BRAF: variants seen among roughly 807,000 people sequenced by gnomAD.
BRAF encodes the protein serine/threonine-protein kinase B-raf.
Under a neutral mutation model 104.6 loss-of-function variants are expected in BRAF, and 16 were observed. The ratio of observed to expected loss-of-function variants is 0.15; its 90% confidence interval spans 0.10 to 0.23. The LOEUF (loss-of-function observed/expected upper bound fraction) is 0.23, where lower values mean the gene tolerates loss of function less well. BRAF is among the 10% of genes least tolerant of loss of function. BRAF has a pLI of 1.00. For missense variants in BRAF, 541 were observed against 937.3 expected (o/e 0.58, Z 5.52); for synonymous variants, 310 against 341.6 (o/e 0.91, Z 1.02).
Position 140,800,091 on chromosome 7 carries a change from A to G in BRAF, c.980+271T>C. ...TAATTAACCAGGAGATCCAAAAGAA[A>G]GCAGTTCAAGAAGCATGTCACTGAA... On this transcript the variant is annotated intron_variant, in intron 7 of 19. Transcript: ENST00000644969. 6.3e-6 allele frequency: 3 copies of G among 477,726 alleles called. No individual in the cohort carries two copies. The South Asian group carries it at 6.9e-5, about 11-fold the overall frequency. 29.6% of individuals were successfully genotyped at this position (477,726 alleles called of 1,614,324 possible). A position where few individuals can be genotyped will look rare whatever the true frequency, so the allele number is the denominator to read the frequency against.
Position 140,724,974 on chromosome 7 carries a change from T to A in BRAF, c.*1520A>T. 3 of 1,044,422 alleles carry A rather than the reference T, an allele frequency of 2.9e-6. No individual in the cohort carries two copies. The highest frequency in any genetic ancestry group is 3.5e-6 in the Non-Finnish European group (3 of 866,104). The allele number at this position is 1,044,422 out of a possible 1,614,324, so 64.7% of individuals were successfully genotyped here. A position where few individuals can be genotyped will look rare whatever the true frequency, so the allele number is the denominator to read the frequency against. On this transcript the variant is annotated 3_prime_UTR_variant, in exon 20 of 20. Transcript: ENST00000644969. Reference sequence around the variant, plus strand: ...TTGTGCAAAGATAAGATTTAGGTTCTTAATGAATGCCAGTTCTTTCTATAA... The same window carrying A: ...TTGTGCAAAGATAAGATTTAGGTTCATAATGAATGCCAGTTCTTTCTATAA...
chr7:140,817,731 A>T (rs1200725476), intron 3 of BRAF, among the ~76,000 whole-genome samples: 1 of 152,190 alleles, frequency 6.6e-6, no homozygotes, highest in African/African-American at 2.4e-5. Context: ...CTGTCCCAGG[A>T]ATTCCACTTT....
intron 17 of BRAF, chr7:140,740,517 C>G (rs1796833131): frequency 1.3e-5 from 2 of 152,242 alleles, no homozygotes; most frequent in East Asian, 1.9e-4. Context: ...AAAGGCTTGT[C>G]TTCCCTGGAT....
chr7:140,885,315 TA>T (rs201631392), intron 1 of BRAF, among the ~76,000 whole-genome samples: 8 of 150,616 alleles, frequency 5.3e-5, no homozygotes, highest in African/African-American at 1.5e-4. Flanking sequence ...AAAGTGGCTT[TA>T]AAAAAAAAAA....
At chr7:140,733,940 C>T (rs1275051106) in intron 19 of BRAF, 1 of 927,990 alleles carries the variant, frequency 1.1e-6, no homozygotes, top group Non-Finnish European at 1.3e-6. Flanking sequence ...GCTAAAAATC[C>T]GAAGTTAAGA....
At chr7:140,847,009 G>T (rs981077868) in intron 2 of BRAF, among the ~76,000 whole-genome samples, 8 of 152,028 alleles carry the variant, frequency 5.3e-5, no homozygotes, top group African/African-American at 1.9e-4. Flanking sequence ...ACAAAAATTA[G>T]TCGGGAGTCA....
chr7:140,731,347 G>A (rs1795947890), intron 19 of BRAF: 1 of 152,170 alleles, frequency 6.6e-6, no homozygotes, highest in South Asian at 2.1e-4. Flanking sequence ...GAAACATTCT[G>A]GCATAGACAC....
At chr7:140,753,462 TTAGGTAAGAGATC>T in intron 15 of BRAF, 69 bp from the exon 15 acceptor site, 1 of 1,013,556 alleles carries the variant, frequency 9.9e-7, no homozygotes, top group Admixed American at 1.7e-5. Flanking sequence ...TATGAAGAGT[TTAGGTAAGAGATC>T]TAATTTCTAT....
chr7:140,714,219 G>A, the BRAF span, among the ~76,000 whole-genome samples: 3 of 152,164 alleles, frequency 2.0e-5, no homozygotes, highest in Non-Finnish European at 4.4e-5. Flanking sequence ...GGCCATCTTG[G>A]CTCCTCCCCA....
At position 140,721,181 on chromosome 7, in the gene BRAF, T is replaced by G. The variant is rs1293368494; in HGVS notation, c.*5313A>C. 2.8e-6 allele frequency: 3 copies of G among 1,068,988 alleles called. No homozygotes were observed. The African/African-American group carries it at 4.9e-5, about 17-fold the overall frequency. 66.2% of individuals were successfully genotyped at this position (1,068,988 alleles called of 1,614,324 possible). On this transcript the variant is annotated 3_prime_UTR_variant, in exon 20 of 20. Transcript: ENST00000644969. ...ATTATTCAAAATAGCTAAATAAATG[T>G]CAACATTTTAATAAAGCTGATTTAG...
Position 140,798,731 on chromosome 7 carries a change from G to A in BRAF, c.980+1631C>T, listed in dbSNP as rs1224111358. 2.0e-5 allele frequency among the ~76,000 whole-genome samples: 3 copies of A among 152,124 alleles called. No homozygotes were observed. In the East Asian group the frequency reaches 5.8e-4, roughly 30 times the overall value. On this transcript the variant is annotated intron_variant, in intron 7 of 19. Transcript: ENST00000644969. Reference sequence around the variant, plus strand: ...GCAGTTTGGGAGGCTGAGGCAGGAAGATCACCTGAGGCCAGGAGTTCGAGA... The same window carrying A: ...GCAGTTTGGGAGGCTGAGGCAGGAAAATCACCTGAGGCCAGGAGTTCGAGA...
chr7:140,849,323 A>G (rs1413106439), intron 2 of BRAF, among the ~76,000 whole-genome samples: 1 of 152,224 alleles, frequency 6.6e-6, no homozygotes, highest in East Asian at 1.9e-4. Flanking sequence ...AAGGCTTGAC[A>G]CAAACCTCAA....
At chr7:140,893,183 G>A (rs1427531745) in intron 1 of BRAF, among the ~76,000 whole-genome samples, 1 of 151,962 alleles carries the variant, frequency 6.6e-6, no homozygotes, top group African/African-American at 2.4e-5. Context: ...CGAGCTTTCT[G>A]AGACAAGATG....
At chr7:140,748,261 A>G (rs1797512084) in intron 17 of BRAF, among the ~76,000 whole-genome samples, 1 of 152,232 alleles carries the variant, frequency 6.6e-6, no homozygotes, top group African/African-American at 2.4e-5. Flanking sequence ...TGAAGCAGTA[A>G]CATTTATATA....
At chr7:140,784,033 T>A (rs1299651332) in intron 10 of BRAF, among the ~76,000 whole-genome samples, 3 of 152,088 alleles carry the variant, frequency 2.0e-5, no homozygotes, top group African/African-American at 7.2e-5. Flanking sequence ...TTCAGAAGAG[T>A]TCAGGGCAGT....
In BRAF at chr7:140,866,032, A is replaced by T. The variant is rs548875459; in HGVS notation, c.139-15820T>A. The stretch of plus-strand genomic sequence containing the variant: ...CAAAGTCATCCACTAAATTTACGTA[A>T]CATTTACAAATTCAACAATTGCTCA... On this transcript the variant is annotated intron_variant, in intron 1 of 19. Coordinates refer to ENST00000644969, the MANE Select transcript of BRAF (RefSeq NM_001374258.1). 3.9e-5 allele frequency among the ~76,000 whole-genome samples: 6 copies of T among 152,346 alleles called. 1 individual carries two copies. The South Asian group carries it at 1.2e-3, about 32-fold the overall frequency.
chr7:140,850,008 C>G, intron 2 of BRAF, 103 bp downstream of exon 2: 1 of 856,580 alleles, frequency 1.2e-6, no homozygotes, highest in Non-Finnish European at 1.9e-6. Flanking sequence ...AAATCTATTC[C>G]TAATCCCACC....
intron 1 of BRAF, among the ~76,000 whole-genome samples, chr7:140,859,913 T>A (rs1810223180): frequency 6.6e-6 from 1 of 152,152 alleles, no homozygotes; most frequent in Admixed American, 6.5e-5. Flanking sequence ...GGTCTTGATC[T>A]CTTGACCTCG....
chr7:140,733,776 C>T (rs1470461229), intron 19 of BRAF: 1 of 160,718 alleles, frequency 6.2e-6, no homozygotes, highest in East Asian at 1.8e-4. Flanking sequence ...TAAAAGTTCT[C>T]ACAGAATTCT....
Sources: gnomAD v4.1 joint callset for allele counts (sites outside exome capture counted in the v4.1 genomes callset) on GRCh38, gnomAD v4.1.1 for gene constraint, MANE v1.5 for transcripts, NCBI Gene and HGNC (gene_info 2026-07-23, HGNC 2026-07-21) for gene names.